KCTD9: variants seen among roughly 807,000 people sequenced by gnomAD.
KCTD9 encodes the protein BTB/POZ domain-containing protein KCTD9.
In KCTD9, 17 loss-of-function variants were observed where a neutral mutation model predicts 53.3. The ratio of observed to expected loss-of-function variants is 0.32; its 90% CI spans 0.22 to 0.48. The LOEUF (loss-of-function observed/expected upper bound fraction) is 0.48. Ranked by LOEUF, KCTD9 falls within the 20% of genes least tolerant of loss-of-function variation. KCTD9 has a pLI of 0.99. For synonymous variants in KCTD9, 128 were observed against 162.7 expected, an observed-to-expected ratio of 0.79 and a Z score of 1.62; for missense variants, 179 against 465.5, an observed-to-expected ratio of 0.38 and a Z score of 5.66.
chr8:25,431,646 A>G (rs1801932727), intron 11 of KCTD9, among the ~76,000 whole-genome samples: 1 of 152,198 alleles, frequency 6.6e-6, no homozygotes, highest in African/African-American at 2.4e-5. Context: ...AGGTGAAAGT[A>G]ATGTAACAAA....
In KCTD9 at chr8:25,428,004, A is replaced by C. The variant is rs1436368929; in HGVS notation, c.*1853T>G. The C allele has an allele frequency of 6.6e-6, 1 of 152,330 alleles. No homozygotes were observed. Among genetic ancestry groups the C allele is most frequent in the East Asian group, 1.9e-4 (1 of 5,196 alleles). The allele number at this position is 152,330 out of a possible 1,614,324, so 9.4% of individuals were successfully genotyped here. A position where few individuals can be genotyped will look rare whatever the true frequency, so the allele number is the denominator to read the frequency against. Reference sequence around the variant, plus strand: ...AAATACAGAAAGTGATGATTTTCAAAAGGAAGAGAAGAAACTCCTTTTCAA... The same window carrying C: ...AAATACAGAAAGTGATGATTTTCAACAGGAAGAGAAGAAACTCCTTTTCAA... On this transcript the variant is annotated 3_prime_UTR_variant, in exon 12 of 12. Coordinates refer to ENST00000221200, the MANE Select transcript of KCTD9 (RefSeq NM_017634.4).
chr8:25,446,043 G>T, intron 2 of KCTD9, 86 bp downstream of exon 2: 2 of 1,517,034 alleles, frequency 1.3e-6, no homozygotes, highest in Non-Finnish European at 1.8e-6. Flanking sequence ...ACTCTTAACA[G>T]TGATTAAATT....
intron 1 of KCTD9, chr8:25,457,374 A>G (rs1802469736): frequency 1.0e-6 from 1 of 985,122 alleles, no homozygotes; most frequent in Non-Finnish European, 1.2e-6. Flanking sequence ...CGAACAGTGA[A>G]AATTTCCCAA....
At chr8:25,444,438 T>C (rs1802179608) in intron 2 of KCTD9, 103 bp from the exon 3 acceptor site, 3 of 1,100,648 alleles carry the variant, frequency 2.7e-6, no homozygotes, top group Non-Finnish European at 4.0e-6. Context: ...AGACAATAGG[T>C]TTTGCTATCA....
chr8:25,438,472 T>A (rs1802060944), intron 6 of KCTD9, among the ~76,000 whole-genome samples: 1 of 152,152 alleles, frequency 6.6e-6, no homozygotes, highest in African/African-American at 2.4e-5. Flanking sequence ...AACAAAAACA[T>A]GTCACATAAA....
At chr8:25,434,391 C>G (rs376486097) in intron 9 of KCTD9, among the ~76,000 whole-genome samples, 7 of 152,118 alleles carry the variant, frequency 4.6e-5, no homozygotes, top group East Asian at 3.9e-4. Context: ...CACACGCAGC[C>G]AAGAGTTTTA....
chr8:25,451,166 T>C lies in KCTD9; in HGVS notation c.49-4916A>G, dbSNP rs1476244733. 2.0e-5 allele frequency among the ~76,000 whole-genome samples: 3 copies of C among 152,328 alleles called. No homozygotes were observed. In the South Asian group the frequency reaches 6.2e-4, roughly 32 times the overall value. On this transcript the variant is annotated intron_variant, in intron 1 of 11. Transcript: ENST00000221200. The stretch of plus-strand genomic sequence containing the variant: ...ACCATACAAATAAAAAGGAGTTATG[T>C]TGCAATACTAATATTCAAATATGCA...
rs774824318 is a variant in KCTD9, at chr8:25,432,530, C to G, written c.1027G>C (p.Ala343Pro). 1 of 1,612,492 alleles carries G rather than the reference C, an allele frequency of 6.2e-7. No individual in the cohort carries two copies. The highest frequency in any genetic ancestry group is 8.5e-7 in the Non-Finnish European group (1 of 1,179,738). ...AKLKNCNLRGATLAGTDLENC... is the reference protein window; with the variant it reads ...AKLKNCNLRGPTLAGTDLENC... ...TCTAAATCAGTTCCTGCCAGAGTTG[C>G]TCCTCTGAGGTTACAGTTCTTCAAC... Residue 343 changes from alanine (A) to proline (P), a missense_variant, in exon 11 of 12, where the codon GCA becomes CCA. Transcript: ENST00000221200.
rs569847215 is a variant in KCTD9, at chr8:25,448,571, A to G, written c.49-2321T>C. ...TTATCACAATAAAAAAAATACTGCA[A>G]AGCACTTGGCACAGTGTCCTACACA... On this transcript the variant is annotated intron_variant, in intron 1 of 11. Transcript: ENST00000221200. Among the ~76,000 whole-genome samples, 5 of 152,322 alleles carry G rather than the reference A, an allele frequency of 3.3e-5. No individual in the cohort carries two copies. The South Asian group carries it at 1.0e-3, about 32-fold the overall frequency.
At chr8:25,445,904 G>A (rs1473270471) in intron 2 of KCTD9, among the ~76,000 whole-genome samples, 1 of 151,568 alleles carries the variant, frequency 6.6e-6, no homozygotes, top group Admixed American at 6.6e-5. Flanking sequence ...AGCTATATAT[G>A]AACTATGCAG....
At chr8:25,440,800 T>C in intron 3 of KCTD9, 127 bp from the exon 4 acceptor site, 1 of 662,110 alleles carries the variant, frequency 1.5e-6, no homozygotes, top group Non-Finnish European at 2.7e-6. Context: ...AGGACAGCAA[T>C]ACCCAAACCC....
In KCTD9 at chr8:25,443,241, T is replaced by TAA. The variant is rs67827926; in HGVS notation, c.214+1049_214+1050dup. Reference sequence around the variant, plus strand: ...TTTGTCTTGGAATGACACTTCCCACTAAAAAAATCAAGGCTTGTTGGAAAA... The same window carrying TAA: ...TTTGTCTTGGAATGACACTTCCCACTAAAAAAAAATCAAGGCTTGTTGGAAAA... On this transcript the variant is annotated intron_variant, in intron 3 of 11. Coordinates refer to ENST00000221200, the MANE Select transcript of KCTD9 (RefSeq NM_017634.4). Among the ~76,000 whole-genome samples the TAA allele has an allele frequency of 1.6e-4, 25 of 151,844 alleles. No homozygotes were observed. In the Middle Eastern group the frequency reaches 0.01, roughly 62 times the overall value.
At chr8:25,454,433 ACT>A (rs138903824) in intron 1 of KCTD9, among the ~76,000 whole-genome samples, 15,651 of 152,096 alleles carry the variant, frequency 0.1, 837 homozygotes, top group African/African-American at 0.14. Flanking sequence ...TAAAAAAAGC[ACT>A]CTGTGTTCAA....
chr8:25,433,534 C>A, intron 9 of KCTD9, 99 bp from the exon 10 acceptor site: 1 of 496,060 alleles, frequency 2.0e-6, no homozygotes, highest in Admixed American at 3.9e-5. Context: ...GGGAAAGGCT[C>A]AACTCAAAAC....
At chr8:25,450,297 G>A in intron 1 of KCTD9, 2 of 983,090 alleles carry the variant, frequency 2.0e-6, no homozygotes, top group Non-Finnish European at 2.4e-6. Flanking sequence ...ATTATCCCTT[G>A]GTAAAGCTGA....
At chr8:25,457,475 A>AC in intron 1 of KCTD9, 1 of 563,620 alleles carries the variant, frequency 1.8e-6, no homozygotes, top group Non-Finnish European at 2.2e-6. Context: ...AACACTGAGC[A>AC]CCACACTCTC....
At chr8:25,457,314 A>C (rs1802466450) in intron 1 of KCTD9, 1 of 976,138 alleles carries the variant, frequency 1.0e-6, no homozygotes, top group Non-Finnish European at 1.2e-6. Flanking sequence ...AGACTCGTAA[A>C]GGCTGAGTTA....
At chr8:25,437,424 C>T (rs1451496932) in intron 6 of KCTD9, among the ~76,000 whole-genome samples, 1 of 152,094 alleles carries the variant, frequency 6.6e-6, no homozygotes, top group Non-Finnish European at 1.5e-5. Flanking sequence ...CCTGTAATCC[C>T]AGCACTTTGG....
intron 11 of KCTD9, 47 bp from the exon 12 acceptor site, chr8:25,430,020 G>C: frequency 9.6e-7 from 1 of 1,040,798 alleles, no homozygotes; most frequent in African/African-American, 1.6e-5. Flanking sequence ...GAAATTTCAG[G>C]CCTTATCTAT....
Sources: gnomAD v4.1 joint callset for allele counts (sites outside exome capture counted in the v4.1 genomes callset) on GRCh38, gnomAD v4.1.1 for gene constraint, MANE v1.5 for transcripts, NCBI Gene and HGNC (gene_info 2026-07-23, HGNC 2026-07-21) for gene names.